The following TBC1D22A variants were observed in gnomAD, a reference collection of about 807,000 sequenced individuals.
The protein encoded by TBC1D22A is putative GTPase activator.
TBC1D22A carries 38 observed loss-of-function variants against 60.2 expected under a neutral mutation model. The ratio of observed to expected loss-of-function variants is 0.63; its 90% CI spans 0.49 to 0.83. TBC1D22A has a LOEUF of 0.83. Ranked by LOEUF, TBC1D22A falls within the 40% of genes least tolerant of loss-of-function variation. The pLI is 0.00. For synonymous variants in TBC1D22A, 302 were observed against 281.7 expected (o/e 1.07, Z -0.72); for missense variants, 628 against 701.0 (o/e 0.90, Z 1.18).
chr22:47,028,119 T>G lies in TBC1D22A; in HGVS notation c.1202-8952T>G, dbSNP rs2062322918. ...TGTGAGGTGAAAATGATTTAATACC[T>G]TGTTGCTTCAGTGCCATGTAGCTCT... On this transcript the variant is annotated intron_variant, in intron 10 of 12. Coordinates refer to ENST00000337137, the MANE Select transcript of TBC1D22A (RefSeq NM_014346.5). The surrounding 1 kb of genome is among the most constrained non-coding windows in gnomAD (Gnocchi z 4.4). Among the ~76,000 whole-genome samples, 1 of 152,216 alleles carries G rather than the reference T, an allele frequency of 6.6e-6. No homozygotes were observed. Among genetic ancestry groups the G allele is most frequent in the African/African-American group, 2.4e-5 (1 of 41,454 alleles).
chr22:46,948,386 G>GTCA (rs2072682663), intron 8 of TBC1D22A, among the ~76,000 whole-genome samples: 1 of 152,156 alleles, frequency 6.6e-6, no homozygotes, highest in African/African-American at 2.4e-5. Context: ...TTTATACAGG[G>GTCA]TCATGCCTTT....
intron 11 of TBC1D22A, among the ~76,000 whole-genome samples, chr22:47,046,126 G>A (rs2063025122): frequency 1.3e-5 from 2 of 152,192 alleles, no homozygotes; most frequent in African/African-American, 2.4e-5. Context: ...TGGTCTACCT[G>A]TGGGTGTCTG....
At chr22:46,898,851 C>G (rs1171863371) in intron 7 of TBC1D22A, among the ~76,000 whole-genome samples, 4 of 152,178 alleles carry the variant, frequency 2.6e-5, no homozygotes, top group African/African-American at 9.7e-5. Flanking sequence ...TTGCATGGCC[C>G]AGGTCCCAGC....
intron 5 of TBC1D22A, among the ~76,000 whole-genome samples, chr22:46,885,696 A>G (rs1381927633): frequency 6.6e-6 from 1 of 151,924 alleles, no homozygotes; most frequent in Non-Finnish European, 1.5e-5. Context: ...CCCCCCTTGT[A>G]ATTTTATGCC....
intron 9 of TBC1D22A, among the ~76,000 whole-genome samples, chr22:46,976,673 A>G (rs1045466419): frequency 7.2e-5 from 11 of 152,170 alleles, no homozygotes; most frequent in Admixed American, 2.0e-4. Context: ...TGCTCGAACC[A>G]TCTTCCTTAA....
At chr22:46,884,714 A>T (rs2068025548) in intron 5 of TBC1D22A, among the ~76,000 whole-genome samples, 1 of 152,198 alleles carries the variant, frequency 6.6e-6, no homozygotes, top group African/African-American at 2.4e-5. Flanking sequence ...ATAACACTTT[A>T]TTTACAAAAA....
intron 12 of TBC1D22A, among the ~76,000 whole-genome samples, chr22:47,121,157 C>T (rs1371653507): frequency 6.6e-6 from 1 of 152,222 alleles, no homozygotes; most frequent in African/African-American, 2.4e-5. Flanking sequence ...AGTGTTTCTT[C>T]CAATCATTAG....
chr22:47,130,031 C>A (rs2066626814), intron 12 of TBC1D22A, among the ~76,000 whole-genome samples: 1 of 152,232 alleles, frequency 6.6e-6, no homozygotes, highest in Non-Finnish European at 1.5e-5. Context: ...TTCTGAGGCT[C>A]CTGGGGTGGT....
At chr22:47,089,094 A>C (rs1312497906) in intron 11 of TBC1D22A, among the ~76,000 whole-genome samples, 1 of 152,214 alleles carries the variant, frequency 6.6e-6, no homozygotes. Context: ...GGAATTCGAG[A>C]TTTTAAATGA....
Position 46,990,874 on chromosome 22 carries a change from C to T in TBC1D22A, c.1126-6760C>T, listed in dbSNP as rs946899876. Among the ~76,000 whole-genome samples, 1 of 152,192 alleles carries T rather than the reference C, an allele frequency of 6.6e-6. No individual in the cohort carries two copies. Among genetic ancestry groups the T allele is most frequent in the East Asian group, 1.9e-4 (1 of 5,196 alleles). ...GTCTGGAAGTGACCATGGATGGCCTCCTCCTGCTGGTGTGCCGCTTTACTC... is the reference window on the plus strand; with the variant it reads ...GTCTGGAAGTGACCATGGATGGCCTTCTCCTGCTGGTGTGCCGCTTTACTC... On this transcript the variant is annotated intron_variant, in intron 9 of 12. Transcript: ENST00000337137. This position sits in a 1 kb window ranked among gnomAD's most constrained non-coding sequence, Gnocchi z 4.6.
intron 11 of TBC1D22A, among the ~76,000 whole-genome samples, chr22:47,073,628 C>T (rs934997459): frequency 3.9e-5 from 6 of 152,148 alleles, no homozygotes; most frequent in African/African-American, 9.7e-5. Context: ...TTCCCCACTC[C>T]GACAGTGATG....
chr22:46,782,763 ATGT>A (rs2083996206), intron 1 of TBC1D22A, among the ~76,000 whole-genome samples: 1 of 152,144 alleles, frequency 6.6e-6, no homozygotes, highest in South Asian at 2.1e-4. Context: ...TCTCAGCTTC[ATGT>A]TGTCAGGATT....
intron 8 of TBC1D22A, among the ~76,000 whole-genome samples, chr22:46,939,804 C>A (rs972084600): frequency 1.3e-5 from 2 of 152,168 alleles, no homozygotes; most frequent in East Asian, 3.8e-4. Flanking sequence ...TTAGAATCAC[C>A]GTTGCGTTTC....
At chr22:47,017,065 C>G (rs1268491673) in intron 10 of TBC1D22A, among the ~76,000 whole-genome samples, 1 of 152,236 alleles carries the variant, frequency 6.6e-6, no homozygotes. Context: ...TGAGGAAAAG[C>G]TTTTCTTCTC....
At chr22:47,091,622 C>T (rs564548890) in intron 11 of TBC1D22A, among the ~76,000 whole-genome samples, 38 of 152,188 alleles carry the variant, frequency 2.5e-4, no homozygotes, top group African/African-American at 8.9e-4. Context: ...GGAGTGGCCT[C>T]GCTGAGCTTC....
At chr22:46,808,864 G>T (rs2085264156) in intron 4 of TBC1D22A, among the ~76,000 whole-genome samples, 1 of 152,318 alleles carries the variant, frequency 6.6e-6, no homozygotes, top group South Asian at 2.1e-4. Flanking sequence ...AAAGTGCTGG[G>T]ATTACAGGCG....
intron 10 of TBC1D22A, among the ~76,000 whole-genome samples, chr22:47,016,895 C>T (rs1442003987): frequency 6.7e-6 from 1 of 148,612 alleles, no homozygotes; most frequent in Non-Finnish European, 1.5e-5. Context: ...AGGTTCTTGC[C>T]CTCTGGGGCC....
intron 11 of TBC1D22A, among the ~76,000 whole-genome samples, chr22:47,093,337 A>C (rs1369691777): frequency 1.3e-5 from 2 of 152,074 alleles, no homozygotes; most frequent in South Asian, 4.1e-4. Context: ...TTGCTAAAAT[A>C]TGTAAATCAA....
intron 9 of TBC1D22A, among the ~76,000 whole-genome samples, chr22:46,983,529 G>A (rs1244336251): frequency 1.3e-5 from 2 of 152,064 alleles, no homozygotes; most frequent in African/African-American, 4.8e-5. Context: ...TGTGTGTCTT[G>A]TTCTCTGGGT....
Sources: allele counts gnomAD v4.1 joint callset (sites outside exome capture counted in the v4.1 genomes callset), GRCh38; gene constraint gnomAD v4.1.1; non-coding constraint Gnocchi (gnomAD v3.1); transcripts MANE v1.5; gene names NCBI Gene and HGNC (gene_info 2026-07-23, HGNC 2026-07-21).